Variants in MSH3 observed in about 807,000 individuals in gnomAD.
The protein encoded by MSH3 is DNA mismatch repair protein Msh3.
MSH3 carries 106 observed loss-of-function variants against 123.3 expected under a neutral mutation model. The ratio of observed to expected loss-of-function variants is 0.86; its 90% CI spans 0.73 to 1.01. The LOEUF (loss-of-function observed/expected upper bound fraction) is 1.01, where lower values mean the gene tolerates loss of function less well. MSH3 is among the 50% of genes least tolerant of loss of function. The pLI, the probability that MSH3 is intolerant of heterozygous loss-of-function variation, is 0.00. For synonymous variants in MSH3, 515 were observed against 481.4 expected (o/e 1.07, Z -0.91); for missense variants, 1,459 against 1,347.6 (o/e 1.08, Z -1.29).
At chr5:80,772,764 T>G (rs1408098718) in intron 15 of MSH3, among the ~76,000 whole-genome samples, 1 of 152,080 alleles carries the variant, frequency 6.6e-6, no homozygotes, top group Non-Finnish European at 1.5e-5. Context: ...GAGAAAAATG[T>G]TGTATCTTAT....
chr5:80,694,951 A>G (rs1384404763), intron 8 of MSH3, among the ~76,000 whole-genome samples: 2 of 146,454 alleles, frequency 1.4e-5, no homozygotes, highest in African/African-American at 2.5e-5. Flanking sequence ...CATGGAACAT[A>G]TATCTTTGGC....
chr5:80,829,409 C>T (rs1180142781), intron 20 of MSH3, among the ~76,000 whole-genome samples: 1 of 152,112 alleles, frequency 6.6e-6, no homozygotes, highest in Admixed American at 6.6e-5. Flanking sequence ...AGGAAGTTCT[C>T]CTCTATTCTT....
At chr5:80,760,608 T>C (rs1744015237) in intron 12 of MSH3, among the ~76,000 whole-genome samples, 1 of 152,160 alleles carries the variant, frequency 6.6e-6, no homozygotes, top group Non-Finnish European at 1.5e-5. Flanking sequence ...TGTTTAACTA[T>C]TATATTAGCC....
chr5:80,785,002 A>G (rs1248133655), intron 17 of MSH3, among the ~76,000 whole-genome samples: 1 of 152,206 alleles, frequency 6.6e-6, no homozygotes, highest in Non-Finnish European at 1.5e-5. Context: ...TTCTAATAAT[A>G]CTAGAAATAT....
chr5:80,665,147 A>G lies in MSH3; in HGVS notation c.363A>G (p.Pro121=), dbSNP rs2112808690. The part of the protein sequence containing the change: ...SDLGMSGNSE[P]KKCLRTRNVS... The stretch of plus-strand genomic sequence containing the variant: ...TCTTCTTATTTGCTGCCTAAGAGCC[A>G]AAGAAATGTCTGAGGACCAGGAATG... Residue 121 remains proline, a synonymous_variant, in exon 3 of 24, where the codon CCA becomes CCG. Coordinates refer to ENST00000265081, the MANE Select transcript of MSH3 (RefSeq NM_002439.5). 1 of 1,613,848 alleles carries G rather than the reference A, an allele frequency of 6.2e-7. No individual in the cohort carries two copies. The highest frequency in any genetic ancestry group is 8.5e-7 in the Non-Finnish European group (1 of 1,179,772).
chr5:80,732,231 C>T (rs1425147713), intron 10 of MSH3, among the ~76,000 whole-genome samples: 2 of 151,994 alleles, frequency 1.3e-5, no homozygotes, highest in African/African-American at 4.8e-5. Context: ...CAGAGGAATC[C>T]ACTTTTTGTT....
chr5:80,854,364 A>AAT, intron 21 of MSH3, 48 bp downstream of exon 21: 1 of 1,522,720 alleles, frequency 6.6e-7, no homozygotes, highest in Non-Finnish European at 9.0e-7. Context: ...TTTGTAAATT[A>AAT]TTATTTTTAA....
intron 19 of MSH3, among the ~76,000 whole-genome samples, chr5:80,807,190 CAAAA>C (rs34405208): frequency 1.1e-5 from 1 of 91,468 alleles, no homozygotes; most frequent in Non-Finnish European, 2.1e-5. Flanking sequence ...TACCCTGTCT[CAAAA>C]AAAAAAAAAA....
intron 1 of MSH3, 27 bp from the exon 2 acceptor site, chr5:80,656,384 C>G: frequency 6.2e-7 from 1 of 1,613,656 alleles, no homozygotes; most frequent in Non-Finnish European, 8.5e-7. Flanking sequence ...AGAGATAACA[C>G]ATCATTTTCT....
Position 80,761,742 on chromosome 5 carries a change from A to G in MSH3, c.1896+64A>G, listed in dbSNP as rs1744039769. The G allele has an allele frequency of 5.7e-6, 9 of 1,580,310 alleles. No individual in the cohort carries two copies. In the Admixed American group the frequency reaches 1.5e-4, roughly 27 times the overall value. ...TTCAGCTTGAGGACACTATATATTA[A>G]AAGAAAACTTTTGAGAGCTCTATTA... On this transcript the variant is annotated intron_variant, in intron 13 of 23. Coordinates refer to ENST00000265081, the MANE Select transcript of MSH3 (RefSeq NM_002439.5).
At chr5:80,724,821 T>A (rs958175270) in intron 8 of MSH3, among the ~76,000 whole-genome samples, 1 of 152,198 alleles carries the variant, frequency 6.6e-6, no homozygotes, top group African/African-American at 2.4e-5. Flanking sequence ...TCTTCATATT[T>A]AGTAACATAA....
intron 8 of MSH3, among the ~76,000 whole-genome samples, chr5:80,698,300 T>G (rs550382230): frequency 6.6e-6 from 1 of 152,344 alleles, no homozygotes; most frequent in African/African-American, 2.4e-5. Flanking sequence ...TTATTCATCC[T>G]TAAACACAGT....
chr5:80,813,850 C>T, intron 20 of MSH3, 109 bp downstream of exon 20: 1 of 1,192,732 alleles, frequency 8.4e-7, no homozygotes, highest in South Asian at 1.2e-5. Flanking sequence ...AAGCACTCAA[C>T]ATTTAGGAGC....
chr5:80,868,227 G>A (rs245371), intron 22 of MSH3, among the ~76,000 whole-genome samples: 131,243 of 152,048 alleles, frequency 0.86, 56,737 homozygotes, highest in East Asian at 1. Context: ...TCAAAGACCT[G>A]AAGACAGAAT....
At chr5:80,737,333 CT>C (rs1561460943) in intron 10 of MSH3, among the ~76,000 whole-genome samples, 1 of 151,554 alleles carries the variant, frequency 6.6e-6, no homozygotes, top group Non-Finnish European at 1.5e-5. Context: ...CTTTGTCTGT[CT>C]TTTTTTTAAG....
chr5:80,801,610 A>C (rs775109975), intron 19 of MSH3, among the ~76,000 whole-genome samples: 1 of 152,176 alleles, frequency 6.6e-6, no homozygotes, highest in Non-Finnish European at 1.5e-5. Context: ...AGTATCCCCA[A>C]GTCTGCCCAG....
intron 12 of MSH3, chr5:80,746,264 T>C (rs1743718106): frequency 4.2e-6 from 1 of 239,494 alleles, no homozygotes; most frequent in South Asian, 4.8e-5. Flanking sequence ...TTGTCTGATA[T>C]TAACAATTTT....
chr5:80,875,840 CA>C lies in MSH3; in HGVS notation c.3393del (p.Gln1132ArgfsTer27). On this transcript the variant is annotated frameshift_variant, in exon 24 of 24. Transcript: ENST00000265081. LOFTEE classifies it high-confidence loss of function. ...ACAGAGGAGTTCAACATGGAAGAAA[CA>C]CAGACTTCTCTTCTTCATTAAAATG... ...KWTEEFNMEE[T>X]QTSLLH 6.2e-7 allele frequency: 1 copy of C among 1,607,960 alleles called. No homozygotes were observed. The highest frequency in any genetic ancestry group is 8.5e-7 in the Non-Finnish European group (1 of 1,174,508).
At chr5:80,831,271 A>G (rs1246815937) in intron 20 of MSH3, among the ~76,000 whole-genome samples, 1 of 152,222 alleles carries the variant, frequency 6.6e-6, no homozygotes, top group Non-Finnish European at 1.5e-5. Flanking sequence ...TAAAAATAAC[A>G]TTTGTTTTTC....
Sources: allele counts gnomAD v4.1 joint callset (sites outside exome capture counted in the v4.1 genomes callset), GRCh38; gene constraint gnomAD v4.1.1; transcripts MANE v1.5; gene names NCBI Gene and HGNC (gene_info 2026-07-23, HGNC 2026-07-21).